Variants in NBAS observed in about 807,000 individuals in gnomAD.
The protein encoded by NBAS is NBAS subunit of NRZ tethering complex, also known as NAG/BC035112 fusion.
In NBAS, 219 loss-of-function variants were observed where a neutral mutation model predicts 302.5. That is an observed-to-expected ratio of 0.72 (90% CI 0.65 to 0.81). The LOEUF (loss-of-function observed/expected upper bound fraction) is 0.81. Ranked by LOEUF, NBAS falls within the 30% of genes least tolerant of loss-of-function variation. The pLI is 0.00. For missense variants in NBAS, 2,932 were observed against 2,841.6 expected (o/e 1.03, Z -0.72); for synonymous variants, 1,118 against 1,021.6 (o/e 1.09, Z -1.80).
chr2:15,096,961 T>C, the NBAS span, among the ~76,000 whole-genome samples: 1 of 152,064 alleles, frequency 6.6e-6, no homozygotes, highest in African/African-American at 2.4e-5. Flanking sequence ...TGTGAGGAAA[T>C]TGCTTGGGAG....
the NBAS span, among the ~76,000 whole-genome samples, chr2:14,848,031 A>G: frequency 2.0e-5 from 3 of 152,236 alleles, no homozygotes; most frequent in Non-Finnish European, 4.4e-5. Context: ...CTGAATGACC[A>G]ATATGTCAAT....
At chr2:15,199,311 T>C (rs1393914311) in intron 48 of NBAS, among the ~76,000 whole-genome samples, 1 of 152,106 alleles carries the variant, frequency 6.6e-6, no homozygotes, top group African/African-American at 2.4e-5. Context: ...ATGTGATTAG[T>C]ATGAATATTA....
chr2:14,982,085 C>T, the NBAS span, among the ~76,000 whole-genome samples: 1,170 of 152,282 alleles, frequency 7.7e-3, 16 homozygotes, highest in African/African-American at 0.026. Flanking sequence ...TTTTAAAAAG[C>T]TCACTCTTCA....
At chr2:15,402,626 C>T (rs538341664) in intron 25 of NBAS, among the ~76,000 whole-genome samples, 2 of 152,216 alleles carry the variant, frequency 1.3e-5, no homozygotes, top group South Asian at 4.1e-4. Flanking sequence ...CATTTCTAAC[C>T]CTGAAGCCAA....
intron 51 of NBAS, among the ~76,000 whole-genome samples, chr2:15,176,306 G>C (rs894449511): frequency 6.6e-6 from 1 of 152,154 alleles, no homozygotes. Flanking sequence ...TACAATTACA[G>C]AGAACAGATT....
chr2:15,375,113 CGAAAAACA>C (rs1674673545), intron 30 of NBAS, among the ~76,000 whole-genome samples: 1 of 152,086 alleles, frequency 6.6e-6, no homozygotes, highest in South Asian at 2.1e-4. Flanking sequence ...TTCCCTTCTA[CGAAAAACA>C]GAAATGTCTT....
At chr2:15,412,729 T>C (rs1329764664) in intron 25 of NBAS, among the ~76,000 whole-genome samples, 1 of 152,156 alleles carries the variant, frequency 6.6e-6, no homozygotes, top group African/African-American at 2.4e-5. Context: ...AGAATCACAA[T>C]AGAAGTCACT....
At chr2:15,292,421 T>C (rs1446169003) in intron 41 of NBAS, 116 bp downstream of exon 41, 5 of 1,112,578 alleles carry the variant, frequency 4.5e-6, no homozygotes, top group African/African-American at 1.5e-5. Context: ...GAAAGCCCTA[T>C]TCATAGCAAC....
At chr2:15,237,853 C>T (rs1363197990) in intron 45 of NBAS, among the ~76,000 whole-genome samples, 3 of 150,136 alleles carry the variant, frequency 2.0e-5, no homozygotes, top group African/African-American at 7.4e-5. Flanking sequence ...CAGCTCACTG[C>T]AAACTCCGCC....
At chr2:14,893,308 T>C in the NBAS span, among the ~76,000 whole-genome samples, 1 of 152,214 alleles carries the variant, frequency 6.6e-6, no homozygotes, top group East Asian at 1.9e-4. Flanking sequence ...AAACTGCTTT[T>C]GGATTTATTT....
At chr2:15,267,128 T>C (rs1013188886) in intron 44 of NBAS, among the ~76,000 whole-genome samples, 5 of 152,218 alleles carry the variant, frequency 3.3e-5, no homozygotes, top group African/African-American at 7.2e-5. Flanking sequence ...TTTGTACACA[T>C]GGCATTTATT....
intron 1 of NBAS, among the ~76,000 whole-genome samples, chr2:15,558,860 G>A (rs1226942116): frequency 1.3e-5 from 2 of 152,030 alleles, no homozygotes; most frequent in Non-Finnish European, 2.9e-5. Flanking sequence ...CTTGAGCCCA[G>A]GAGCTCCAGA....
chr2:15,500,065 T>A (rs937901075), intron 11 of NBAS, among the ~76,000 whole-genome samples: 1 of 152,218 alleles, frequency 6.6e-6, no homozygotes, highest in African/African-American at 2.4e-5. Flanking sequence ...TCTCAAACAT[T>A]GCAGTAAAAC....
chr2:15,084,687 C>CGGGGGGGGG, the NBAS span, among the ~76,000 whole-genome samples: 1 of 143,588 alleles, frequency 7.0e-6, no homozygotes, highest in African/African-American at 2.9e-5. Context: ...ATCGGCGGGG[C>CGGGGGGGGG]GGGGGGGGTT....
the NBAS span, among the ~76,000 whole-genome samples, chr2:14,841,059 T>C: frequency 2.6e-5 from 4 of 152,010 alleles, 1 homozygote; most frequent in East Asian, 1.9e-4. Context: ...AAAATACCAA[T>C]TTTTTATTTT....
At chr2:15,010,615 C>T in the NBAS span, among the ~76,000 whole-genome samples, 1 of 152,092 alleles carries the variant, frequency 6.6e-6, no homozygotes, top group Non-Finnish European at 1.5e-5. Flanking sequence ...GCCCAATTTC[C>T]CAGTAACCAT....
rs78464959 is a variant in NBAS at position 15,173,465 on chromosome 2, T to A, written c.6840+5523A>T. On this transcript the variant is annotated intron_variant, in intron 51 of 51. Transcript: ENST00000281513. Reference sequence around the variant, plus strand: ...CTTTAGGGAAACATATTTGTCTTGTTCTCATATATACTATTACTAATAAAA... The same window carrying A: ...CTTTAGGGAAACATATTTGTCTTGTACTCATATATACTATTACTAATAAAA... Among the ~76,000 whole-genome samples the A allele has an allele frequency of 1.4e-3, 219 of 152,318 alleles. 6 individuals are homozygous for A. In the East Asian group the frequency reaches 0.039, roughly 27 times the overall value.
chr2:15,269,985 AAC>A (rs1189177503), intron 44 of NBAS, among the ~76,000 whole-genome samples: 3 of 152,220 alleles, frequency 2.0e-5, no homozygotes, highest in Non-Finnish European at 4.4e-5. Context: ...CCAAAACAAC[AAC>A]AGACTGAATG....
chr2:15,285,125 C>T (rs189658796), intron 42 of NBAS, among the ~76,000 whole-genome samples: 1 of 152,296 alleles, frequency 6.6e-6, no homozygotes, highest in East Asian at 1.9e-4. Context: ...GAACATATTA[C>T]TGTGCTTCAA....
Sources: gnomAD v4.1 joint callset for allele counts (sites outside exome capture counted in the v4.1 genomes callset) on GRCh38, gnomAD v4.1.1 for gene constraint, MANE v1.5 for transcripts, NCBI Gene and HGNC (gene_info 2026-07-23, HGNC 2026-07-21) for gene names.